The following SHROOM3 variants were observed in gnomAD, a reference collection of about 807,000 sequenced individuals.
SHROOM3 encodes the protein shroom family member 3.
A neutral mutation model predicts 138.6 loss-of-function variants in SHROOM3; 47 were observed. The ratio of observed to expected loss-of-function variants is 0.34; its 90% CI spans 0.27 to 0.43. SHROOM3 has a LOEUF of 0.43. Among genes scored for constraint, SHROOM3 ranks in the 20% least tolerant of loss-of-function variants. SHROOM3 has a pLI of 1.00. For synonymous variants in SHROOM3, 1,062 were observed against 1,063.3 expected (o/e 1.00, Z 0.02); for missense variants, 2,491 against 2,596.5 (o/e 0.96, Z 0.88).
chr4:76,491,024 C>T (rs531962669), intron 1 of SHROOM3, among the ~76,000 whole-genome samples: 5 of 152,244 alleles, frequency 3.3e-5, no homozygotes, highest in South Asian at 2.1e-4. Flanking sequence ...AGGAAAGTCA[C>T]GAAAAAGTGG....
At chr4:76,628,582 CTT>C (rs1188373180) in intron 2 of SHROOM3, among the ~76,000 whole-genome samples, 1 of 152,110 alleles carries the variant, frequency 6.6e-6, no homozygotes, top group Non-Finnish European at 1.5e-5. Flanking sequence ...CTTATTGTGT[CTT>C]TGTGCCAGGG....
At chr4:76,471,598 G>A (rs1484920931) in intron 1 of SHROOM3, among the ~76,000 whole-genome samples, 3 of 152,154 alleles carry the variant, frequency 2.0e-5, no homozygotes, top group Non-Finnish European at 2.9e-5. Flanking sequence ...TCTAAAAGCA[G>A]GGACATTTGG....
At chr4:76,493,412 C>T (rs1387843787) in intron 1 of SHROOM3, among the ~76,000 whole-genome samples, 7 of 152,032 alleles carry the variant, frequency 4.6e-5, no homozygotes, top group Non-Finnish European at 8.8e-5. Context: ...ACTCTGGCAA[C>T]CCTGATTCTG....
intron 9 of SHROOM3, among the ~76,000 whole-genome samples, chr4:76,762,510 G>C (rs1012890569): frequency 6.6e-6 from 1 of 152,170 alleles, no homozygotes; most frequent in Admixed American, 6.5e-5. Context: ...GGCTTATCTG[G>C]CTCTTCAGGG....
chr4:76,769,581 A>G lies in SHROOM3; in HGVS notation c.5350-1045A>G, dbSNP rs576980665. Among the ~76,000 whole-genome samples, 27 of 152,312 alleles carry G rather than the reference A, an allele frequency of 1.8e-4. No homozygotes were observed. The South Asian group carries it at 5.4e-3, about 30-fold the overall frequency. On this transcript the variant is annotated intron_variant, in intron 9 of 10. Coordinates refer to ENST00000296043, the MANE Select transcript of SHROOM3 (RefSeq NM_020859.4). ...TTATAAGTATGGAAATATGTGATTA[A>G]GGTGTCAAATTGCACAGCTCTGGTA...
At chr4:76,512,707 G>A (rs1304320990) in intron 1 of SHROOM3, among the ~76,000 whole-genome samples, 1 of 152,150 alleles carries the variant, frequency 6.6e-6, no homozygotes, top group Non-Finnish European at 1.5e-5. Context: ...GGTAGGGATC[G>A]GATACTGCAA....
Position 76,719,983 on chromosome 4 carries a change from A to G in SHROOM3, c.455+9696A>G, listed in dbSNP as rs922783876. Reference sequence around the variant, plus strand: ...TGTCAAAACCAAAAGTCCCCAGGACATATTATCAGGATGTGACATTTAAAA... The same window carrying G: ...TGTCAAAACCAAAAGTCCCCAGGACGTATTATCAGGATGTGACATTTAAAA... On this transcript the variant is annotated intron_variant, in intron 3 of 10. Coordinates refer to ENST00000296043, the MANE Select transcript of SHROOM3 (RefSeq NM_020859.4). Among the ~76,000 whole-genome samples the G allele has an allele frequency of 2.0e-5, 3 of 152,186 alleles. No individual in the cohort carries two copies. In the East Asian group the frequency reaches 5.8e-4, roughly 29 times the overall value.
chr4:76,761,984 T>A lies in SHROOM3; in HGVS notation c.5349+2289T>A, dbSNP rs576172745. Among the ~76,000 whole-genome samples the A allele has an allele frequency of 2.1e-4, 32 of 152,288 alleles. No homozygotes were observed. In the East Asian group the frequency reaches 6.0e-3, roughly 28 times the overall value. ...TGAAGAAAAATATCCAGAAGCCCAC[T>A]GTGGAAAGGTTATAGGATTCGAGTC... On this transcript the variant is annotated intron_variant, in intron 9 of 10. Coordinates refer to ENST00000296043, the MANE Select transcript of SHROOM3 (RefSeq NM_020859.4).
At chr4:76,632,248 T>C (rs1735346701) in intron 2 of SHROOM3, among the ~76,000 whole-genome samples, 1 of 152,202 alleles carries the variant, frequency 6.6e-6, no homozygotes, top group South Asian at 2.1e-4. Context: ...AATTACCAAC[T>C]TTGTATAAAT....
chr4:76,761,226 A>G (rs1316050813), intron 9 of SHROOM3, among the ~76,000 whole-genome samples: 2 of 151,958 alleles, frequency 1.3e-5, no homozygotes, highest in Non-Finnish European at 2.9e-5. Context: ...CTGGTCCCAT[A>G]TTTATGTCCA....
intron 1 of SHROOM3, among the ~76,000 whole-genome samples, chr4:76,481,589 T>A (rs1303530229): frequency 6.6e-6 from 1 of 151,860 alleles, no homozygotes; most frequent in Non-Finnish European, 1.5e-5. Flanking sequence ...CCATTCCTTC[T>A]GAAACTATTC....
chr4:76,635,241 G>A (rs1034830134), intron 2 of SHROOM3, among the ~76,000 whole-genome samples: 4 of 152,098 alleles, frequency 2.6e-5, no homozygotes, highest in African/African-American at 4.8e-5. Context: ...TCATCCATAC[G>A]GCCATTACAT....
chr4:76,523,649 G>T lies in SHROOM3; in HGVS notation c.169-31960G>T, dbSNP rs75540776. Among the ~76,000 whole-genome samples, 1,137 of 152,296 alleles carry T rather than the reference G, an allele frequency of 7.5e-3. 18 individuals carry two copies. Among genetic ancestry groups the T allele is most frequent in the African/African-American group, 0.026 (1,092 of 41,554 alleles). On this transcript the variant is annotated intron_variant, in intron 1 of 10. Coordinates refer to ENST00000296043, the MANE Select transcript of SHROOM3 (RefSeq NM_020859.4). ...TATGTCGAAGTTATGGAGGACACTG[G>T]AGCAAATGCCTCATGATGATAGCAC...
At chr4:76,660,046 A>T (rs1736149918) in intron 2 of SHROOM3, among the ~76,000 whole-genome samples, 1 of 152,056 alleles carries the variant, frequency 6.6e-6, no homozygotes, top group African/African-American at 2.4e-5. Context: ...CAGACTCGAG[A>T]GTGTGAAGCT....
chr4:76,481,796 C>T (rs907633756), intron 1 of SHROOM3, among the ~76,000 whole-genome samples: 1 of 152,172 alleles, frequency 6.6e-6, no homozygotes, highest in Non-Finnish European at 1.5e-5. Flanking sequence ...CATCAAAAAG[C>T]TTATCCACCA....
intron 10 of SHROOM3, among the ~76,000 whole-genome samples, chr4:76,773,840 G>A (rs1225669180): frequency 6.6e-6 from 1 of 152,178 alleles, no homozygotes; most frequent in Non-Finnish European, 1.5e-5. Flanking sequence ...AGTGGACCTG[G>A]AGAGGCAGAC....
chr4:76,697,428 A>C (rs1279373933), intron 2 of SHROOM3, among the ~76,000 whole-genome samples: 2 of 152,102 alleles, frequency 1.3e-5, no homozygotes, highest in Non-Finnish European at 2.9e-5. Context: ...GGAATTCAAT[A>C]CTGGAAGAAT....
chr4:76,765,236 C>G (rs919789316), intron 9 of SHROOM3, among the ~76,000 whole-genome samples: 2 of 151,034 alleles, frequency 1.3e-5, no homozygotes, highest in African/African-American at 4.9e-5. Context: ...CTTGTAGATT[C>G]TGGGCACAGT....
At chr4:76,481,075 A>G (rs1579183635) in intron 1 of SHROOM3, among the ~76,000 whole-genome samples, 1 of 152,214 alleles carries the variant, frequency 6.6e-6, no homozygotes, top group East Asian at 1.9e-4. Context: ...TAAAGGAACT[A>G]GAGAAGCAAG....
Sources: allele counts gnomAD v4.1 joint callset (sites outside exome capture counted in the v4.1 genomes callset), GRCh38; gene constraint gnomAD v4.1.1; transcripts MANE v1.5; gene names NCBI Gene and HGNC (gene_info 2026-07-23, HGNC 2026-07-21).